Variants in RALGAPA2 observed in about 807,000 individuals in gnomAD.
RALGAPA2 encodes the protein ral GTPase-activating protein subunit alpha-2.
In RALGAPA2, 139 loss-of-function variants were observed where a neutral mutation model predicts 230.4. The observed-to-expected ratio is 0.60, with a 90% CI of 0.53 to 0.69. The LOEUF is 0.69. Among genes scored for constraint, RALGAPA2 ranks in the 30% least tolerant of loss-of-function variants. RALGAPA2 has a pLI of 0.00. For synonymous variants in RALGAPA2, 847 were observed against 837.8 expected, an observed-to-expected ratio of 1.01 and a Z score of -0.19; for missense variants, 2,163 against 2,276.0, an observed-to-expected ratio of 0.95 and a Z score of 1.01.
At chr20:20,653,195 CAAAAAAAA>C (rs60906434) in intron 4 of RALGAPA2, among the ~76,000 whole-genome samples, 8 of 27,528 alleles carry the variant, frequency 2.9e-4, no homozygotes, top group East Asian at 1.3e-3. Context: ...GACTCCATCT[CAAAAAAAA>C]AAAAAAAAAA....
At chr20:20,595,051 C>T (rs1249365975) in intron 16 of RALGAPA2, among the ~76,000 whole-genome samples, 1 of 152,034 alleles carries the variant, frequency 6.6e-6, no homozygotes, top group Non-Finnish European at 1.5e-5. Context: ...CCATTCGAAA[C>T]ACCGAAAAAT....
intron 37 of RALGAPA2, among the ~76,000 whole-genome samples, chr20:20,446,258 G>A (rs1337912636): frequency 2.6e-5 from 4 of 151,954 alleles, no homozygotes; most frequent in Non-Finnish European, 4.4e-5. Context: ...CCCATTTTGA[G>A]GGTTTCACAT....
rs116044654 is a variant in RALGAPA2, at chr20:20,455,608, T to G, written c.5495+17221A>C. 3.6e-3 allele frequency among the ~76,000 whole-genome samples: 551 copies of G among 152,250 alleles called. 5 individuals are homozygous for G. Among genetic ancestry groups the G allele is most frequent in the African/African-American group, 0.013 (526 of 41,546 alleles). ...GACTGCCAAGGGTCATGTTAAGAAGTGGTCAGAGAATGTGGATACATCTTT... is the reference window on the plus strand; with the variant it reads ...GACTGCCAAGGGTCATGTTAAGAAGGGGTCAGAGAATGTGGATACATCTTT... On this transcript the variant is annotated intron_variant, in intron 37 of 39. Coordinates refer to ENST00000202677, the MANE Select transcript of RALGAPA2 (RefSeq NM_020343.4).
intron 17 of RALGAPA2, among the ~76,000 whole-genome samples, chr20:20,590,615 T>C (rs1383696950): frequency 6.6e-6 from 1 of 152,246 alleles, no homozygotes; most frequent in Non-Finnish European, 1.5e-5. Flanking sequence ...TCAAACCATC[T>C]GTCTCCCTGC....
At chr20:20,588,524 A>T (rs2065196925) in intron 18 of RALGAPA2, among the ~76,000 whole-genome samples, 1 of 152,236 alleles carries the variant, frequency 6.6e-6, no homozygotes, top group South Asian at 2.1e-4. Flanking sequence ...AGAGGGAACA[A>T]GGAAGGAGTG....
At chr20:20,461,247 T>G (rs1171463302) in intron 37 of RALGAPA2, among the ~76,000 whole-genome samples, 2 of 152,238 alleles carry the variant, frequency 1.3e-5, no homozygotes, top group African/African-American at 2.4e-5. Flanking sequence ...ACGGTATTTC[T>G]GAGACATTCT....
chr20:20,571,577 G>T lies in RALGAPA2; in HGVS notation c.3037C>A (p.Leu1013Ile), dbSNP rs1333944663. 6.2e-7 allele frequency: 1 copy of T among 1,611,854 alleles called. No homozygotes were observed. Among genetic ancestry groups the T allele is most frequent in the Non-Finnish European group, 8.5e-7 (1 of 1,179,060 alleles). ...TLPNEYKEGK[L>I]QAYRLICAMM... ...GCACAGATCAGCCTGTAGGCTTGTAGTTTGCCTTCCTTATATTCATTTGGC... is the reference window on the plus strand; with the variant it reads ...GCACAGATCAGCCTGTAGGCTTGTATTTTGCCTTCCTTATATTCATTTGGC... The change falls in exon 23 of 40, where the codon CTA becomes ATA. Residue 1013 changes from leucine to isoleucine, a missense_variant. Leu to Ile is a conservative substitution (Grantham distance 5). Transcript: ENST00000202677.
At chr20:20,465,900 A>G (rs1353242966) in intron 37 of RALGAPA2, among the ~76,000 whole-genome samples, 1 of 152,256 alleles carries the variant, frequency 6.6e-6, no homozygotes, top group Non-Finnish European at 1.5e-5. Context: ...CTCCACAGTT[A>G]GGTGGTTCCA....
intron 20 of RALGAPA2, among the ~76,000 whole-genome samples, chr20:20,579,781 T>C (rs2064931248): frequency 6.6e-6 from 1 of 152,196 alleles, no homozygotes; most frequent in Admixed American, 6.6e-5. Context: ...TTTTTCCATA[T>C]GGCTAAGTAC....
intron 1 of RALGAPA2, among the ~76,000 whole-genome samples, chr20:20,702,104 T>C (rs1252553232): frequency 1.3e-5 from 2 of 151,610 alleles, no homozygotes; most frequent in Non-Finnish European, 2.9e-5. Flanking sequence ...CCAAAGGCCA[T>C]TAATACCAAA....
intron 3 of RALGAPA2, among the ~76,000 whole-genome samples, chr20:20,671,806 G>A (rs1477841967): frequency 6.6e-6 from 1 of 152,220 alleles, no homozygotes; most frequent in Admixed American, 6.5e-5. Flanking sequence ...TAGGTCTAGA[G>A]TCTCTGAAGG....
intron 1 of RALGAPA2, among the ~76,000 whole-genome samples, chr20:20,710,532 T>C (rs1003939656): frequency 6.6e-6 from 1 of 152,134 alleles, no homozygotes; most frequent in African/African-American, 2.4e-5. Flanking sequence ...ACTGGGCCAC[T>C]CCACTAGTAA....
At chr20:20,526,216 T>C in intron 28 of RALGAPA2, 36 bp downstream of exon 28, 2 of 1,372,584 alleles carry the variant, frequency 1.5e-6, no homozygotes, top group Non-Finnish European at 2.0e-6. Flanking sequence ...AAAAAGGAAA[T>C]GCTTATGTTT....
chr20:20,658,611 T>C (rs2067667016), intron 3 of RALGAPA2, among the ~76,000 whole-genome samples: 1 of 152,250 alleles, frequency 6.6e-6, no homozygotes, highest in South Asian at 2.1e-4. Context: ...TGCATCTATA[T>C]GGTAATCCAT....
chr20:20,458,757 C>CCTATATATATATAGGT, intron 37 of RALGAPA2, among the ~76,000 whole-genome samples: 1 of 2,302 alleles, frequency 4.3e-4, no homozygotes, highest in Non-Finnish European at 1.3e-3. Context: ...TACATACACA[C>CCTATATATATATAGGT]CTATATATAT....
At chr20:20,604,658 T>G (rs1039901477) in intron 15 of RALGAPA2, among the ~76,000 whole-genome samples, 3 of 152,134 alleles carry the variant, frequency 2.0e-5, no homozygotes, top group Non-Finnish European at 4.4e-5. Context: ...TAAACTTTCT[T>G]AAAACATTAT....
chr20:20,633,845 G>T (rs2066767547), intron 9 of RALGAPA2, among the ~76,000 whole-genome samples: 1 of 152,112 alleles, frequency 6.6e-6, no homozygotes. Flanking sequence ...TCAGTATGTT[G>T]TAAGAGGCAA....
chr20:20,697,116 G>A (rs2069143889), intron 1 of RALGAPA2, among the ~76,000 whole-genome samples: 1 of 152,136 alleles, frequency 6.6e-6, no homozygotes, highest in Non-Finnish European at 1.5e-5. Context: ...CAGACACTCA[G>A]TCACTATATG....
rs772442979 is a variant in RALGAPA2 at position 20,503,520 on chromosome 20, C to CA, written c.5053-15dup. 1.1e-5 allele frequency: 17 copies of CA among 1,533,210 alleles called. No homozygotes were observed. The highest frequency in any genetic ancestry group is 1.5e-5 in the Non-Finnish European group (17 of 1,139,708). The allele number at this position is 1,533,210 out of a possible 1,614,324, so 95.0% of individuals were successfully genotyped here. On this transcript the variant is annotated splice_polypyrimidine_tract_variant and intron_variant, in intron 34 of 39. Coordinates refer to ENST00000202677, the MANE Select transcript of RALGAPA2 (RefSeq NM_020343.4). ...GGAGAGATCCACCTGACAAAGGTCA[C>CA]AAAGAAGAAAGAGTGAGGATCAAAA...
Sources: allele counts gnomAD v4.1 joint callset (sites outside exome capture counted in the v4.1 genomes callset), GRCh38; gene constraint gnomAD v4.1.1; transcripts MANE v1.5; gene names NCBI Gene and HGNC (gene_info 2026-07-23, HGNC 2026-07-21).